The following BATF variants were observed in gnomAD, a reference collection of about 807,000 sequenced individuals.
The protein encoded by BATF is basic leucine zipper transcriptional factor ATF-like.
Under a neutral mutation model 13.7 loss-of-function variants are expected in BATF, and 5 were observed. The observed-to-expected ratio is 0.36, with a 90% CI of 0.19 to 0.77. The LOEUF (loss-of-function observed/expected upper bound fraction) is 0.77, where lower values mean the gene tolerates loss of function less well. BATF is among the 30% of genes least tolerant of loss of function. The probability of loss-of-function intolerance (pLI) is 0.51; values close to 1 mark genes in which losing one functional copy is unlikely to be tolerated. For missense variants in BATF, 124 were observed against 163.0 expected (o/e 0.76, Z 1.30); for synonymous variants, 72 against 67.5 (o/e 1.07, Z -0.33).
At position 75,527,406 on chromosome 14, in the gene BATF, G is replaced by A. The variant is rs146246904; in HGVS notation, c.168+2218G>A. ...AACACCTCCAGCCAATGGTCCCATTGTATGCCTGGTCACTTCTAGGGCTGG... is the reference window on the plus strand; with the variant it reads ...AACACCTCCAGCCAATGGTCCCATTATATGCCTGGTCACTTCTAGGGCTGG... On this transcript the variant is annotated intron_variant, in intron 2 of 2. Coordinates refer to ENST00000286639, the MANE Select transcript of BATF (RefSeq NM_006399.5). Among the ~76,000 whole-genome samples, 704 of 152,300 alleles carry A rather than the reference G, an allele frequency of 4.6e-3. 1 individual carries two copies. The highest frequency in any genetic ancestry group is 0.014 in the African/African-American group (570 of 41,558).
chr14:75,527,217 AATT>A (rs1887666377), intron 2 of BATF, among the ~76,000 whole-genome samples: 2 of 152,344 alleles, frequency 1.3e-5, no homozygotes, highest in East Asian at 1.9e-4. Context: ...GAGTAATAAT[AATT>A]ATCATAAGAA....
intron 2 of BATF, among the ~76,000 whole-genome samples, chr14:75,533,036 C>A (rs1276063977): frequency 6.6e-6 from 1 of 152,028 alleles, no homozygotes; most frequent in African/African-American, 2.4e-5. Flanking sequence ...AGGCTATTTT[C>A]ATTTGGGGAG....
At chr14:75,538,802 G>C (rs564572844) in intron 2 of BATF, among the ~76,000 whole-genome samples, 109 of 152,356 alleles carry the variant, frequency 7.2e-4, no homozygotes, top group Middle Eastern at 3.4e-3. Flanking sequence ...TAGGGAGGCT[G>C]AGGCAGGAGA....
intron 2 of BATF, among the ~76,000 whole-genome samples, chr14:75,525,778 T>C (rs903442489): frequency 2.6e-5 from 4 of 151,954 alleles, no homozygotes; most frequent in African/African-American, 9.7e-5. Context: ...CAGAGCTGTA[T>C]TGGGAAAGAA....
intron 2 of BATF, among the ~76,000 whole-genome samples, chr14:75,532,821 A>G (rs1330816619): frequency 2.0e-5 from 3 of 152,236 alleles, no homozygotes; most frequent in Admixed American, 2.0e-4. Flanking sequence ...TACAAAGAGC[A>G]TGCAGAGTAT....
At chr14:75,527,805 C>T (rs1244212606) in intron 2 of BATF, among the ~76,000 whole-genome samples, 1 of 152,234 alleles carries the variant, frequency 6.6e-6, no homozygotes, top group Non-Finnish European at 1.5e-5. Context: ...GATTCCTCCT[C>T]CACTGCTTTC....
rs1887585977 is a variant in BATF at position 75,522,553 on chromosome 14, C to A, written c.-130C>A. 2.1e-6 allele frequency: 2 copies of A among 947,038 alleles called. No individual in the cohort carries two copies. The highest frequency in any genetic ancestry group is 2.8e-5 in the South Asian group (2 of 70,224). The allele number at this position is 947,038 out of a possible 1,614,324, so 58.7% of individuals were successfully genotyped here. The stretch of plus-strand genomic sequence containing the variant: ...GCAGGGGTCAGAGGTGGCTACAGGG[C>A]AGGCAGAGGAGGCACCTGTAGGGGG... On this transcript the variant is annotated 5_prime_UTR_variant, in exon 1 of 3. Transcript: ENST00000286639.
At chr14:75,529,807 T>TG (rs1376414302) in intron 2 of BATF, among the ~76,000 whole-genome samples, 2 of 152,080 alleles carry the variant, frequency 1.3e-5, no homozygotes, top group Non-Finnish European at 2.9e-5. Flanking sequence ...GGCTCACGCC[T>TG]TAATCCCAGC....
chr14:75,540,607 C>G (rs1191841860), intron 2 of BATF, among the ~76,000 whole-genome samples: 3 of 152,158 alleles, frequency 2.0e-5, no homozygotes, highest in Non-Finnish European at 4.4e-5. Flanking sequence ...ATTCAAGTAC[C>G]GGTGCTGCAA....
intron 2 of BATF, among the ~76,000 whole-genome samples, chr14:75,525,659 CAAAA>C (rs35718974): frequency 9.5e-6 from 1 of 105,484 alleles, no homozygotes; most frequent in Non-Finnish European, 2.0e-5. Context: ...AACTTCATCT[CAAAA>C]AAAAAAAAAA....
intron 2 of BATF, among the ~76,000 whole-genome samples, chr14:75,528,507 C>T (rs1326958788): frequency 1.3e-5 from 2 of 152,142 alleles, no homozygotes; most frequent in Admixed American, 1.3e-4. Context: ...AATCCCTGGC[C>T]TTGACTATCT....
rs1006233796 is a variant in BATF, at chr14:75,528,140, T to G, written c.168+2952T>G. ...CCCTTGACTCCTTTCCATGCTTGGCTCCACATGCTGGGGTTGTTCTCTGGC... is the reference window on the plus strand; with the variant it reads ...CCCTTGACTCCTTTCCATGCTTGGCGCCACATGCTGGGGTTGTTCTCTGGC... On this transcript the variant is annotated intron_variant, in intron 2 of 2. Transcript: ENST00000286639. Among the ~76,000 whole-genome samples the G allele has an allele frequency of 2.0e-5, 3 of 152,212 alleles. No homozygotes were observed. In the South Asian group the frequency reaches 6.2e-4, roughly 31 times the overall value.
chr14:75,525,201 A>C lies in BATF; in HGVS notation c.168+13A>C, dbSNP rs942975051. 6.2e-7 allele frequency: 1 copy of C among 1,609,902 alleles called. No homozygotes were observed. Among genetic ancestry groups the C allele is most frequent in the Non-Finnish European group, 8.5e-7 (1 of 1,177,328 alleles). On this transcript the variant is annotated intron_variant, in intron 2 of 2. Transcript: ENST00000286639. ...CACCCTGCACCTGGTAAGTGTTCAGATCAATCTTCATCCTCGTGAGCTTTA... is the reference window on the plus strand; with the variant it reads ...CACCCTGCACCTGGTAAGTGTTCAGCTCAATCTTCATCCTCGTGAGCTTTA...
intron 2 of BATF, among the ~76,000 whole-genome samples, chr14:75,533,776 C>T (rs1887775725): frequency 6.6e-6 from 1 of 152,098 alleles, no homozygotes; most frequent in Admixed American, 6.6e-5. Flanking sequence ...AATAGTCATA[C>T]TACCTTGTTG....
chr14:75,528,617 A>C (rs968216498), intron 2 of BATF, among the ~76,000 whole-genome samples: 1 of 152,166 alleles, frequency 6.6e-6, no homozygotes, highest in Admixed American at 6.5e-5. Flanking sequence ...TCACACAAGC[A>C]CCCTGCACAC....
At chr14:75,528,509 T>C (rs78691732) in intron 2 of BATF, among the ~76,000 whole-genome samples, 6,422 of 152,278 alleles carry the variant, frequency 0.042, 322 homozygotes, top group East Asian at 0.29. Context: ...TCCCTGGCCT[T>C]GACTATCTCT....
chr14:75,532,946 T>C (rs1455955126), intron 2 of BATF, among the ~76,000 whole-genome samples: 3 of 152,238 alleles, frequency 2.0e-5, no homozygotes, highest in Non-Finnish European at 4.4e-5. Context: ...GTTTGGGTAG[T>C]TCATCTTATT....
At chr14:75,525,053 C>T (rs1887630422) in intron 1 of BATF, 31 bp from the exon 2 acceptor site, 4 of 1,560,116 alleles carry the variant, frequency 2.6e-6, no homozygotes, top group East Asian at 4.5e-5. Flanking sequence ...AGATGCAGAC[C>T]CATGTAATCC....
In BATF at chr14:75,546,704, G is replaced by A; in HGVS notation, c.*33G>A. 6.5e-7 allele frequency: 1 copy of A among 1,526,796 alleles called. No homozygotes were observed. Among genetic ancestry groups the A allele is most frequent in the South Asian group, 1.2e-5 (1 of 82,922 alleles). The allele number at this position is 1,526,796 out of a possible 1,614,324, so 94.6% of individuals were successfully genotyped here. On this transcript the variant is annotated 3_prime_UTR_variant, in exon 3 of 3. Transcript: ENST00000286639. ...ATGCGGGGAGAGCAGAGCCTCGGGAGGGGCACACAGACTGTGGCAGAGCTG... is the reference window on the plus strand; with the variant it reads ...ATGCGGGGAGAGCAGAGCCTCGGGAAGGGCACACAGACTGTGGCAGAGCTG...
Sources: gnomAD v4.1 joint callset for allele counts (sites outside exome capture counted in the v4.1 genomes callset) on GRCh38, gnomAD v4.1.1 for gene constraint, MANE v1.5 for transcripts, NCBI Gene and HGNC (gene_info 2026-07-23, HGNC 2026-07-21) for gene names.